Variants in TSPAN15 observed in about 807,000 individuals in gnomAD.
The protein encoded by TSPAN15 is tetraspanin-15.
TSPAN15 carries 20 observed loss-of-function variants against 34.5 expected under a neutral mutation model. That is an observed-to-expected ratio of 0.58 (90% CI 0.41 to 0.84). The LOEUF (loss-of-function observed/expected upper bound fraction) is 0.84, where lower values mean the gene tolerates loss of function less well. Ranked by LOEUF, TSPAN15 falls within the 40% of genes least tolerant of loss-of-function variation. The pLI, the probability that TSPAN15 is intolerant of heterozygous loss-of-function variation, is 0.00. For missense variants in TSPAN15, 313 were observed against 386.1 expected, an observed-to-expected ratio of 0.81 and a Z score of 1.59; for synonymous variants, 155 against 153.9, an observed-to-expected ratio of 1.01 and a Z score of -0.05.
chr10:69,535,527 G>A, the TSPAN15 span, among the ~76,000 whole-genome samples: 1 of 152,222 alleles, frequency 6.6e-6, no homozygotes, highest in Non-Finnish European at 1.5e-5. Flanking sequence ...AAGCATTTAT[G>A]CCACTTCTCT....
intron 1 of TSPAN15, among the ~76,000 whole-genome samples, chr10:69,478,969 G>A (rs1352979839): frequency 2.6e-5 from 4 of 152,178 alleles, no homozygotes; most frequent in Non-Finnish European, 5.9e-5. Context: ...ACATGGAAGG[G>A]ATATTTCAGT....
chr10:69,539,456 A>AG, the TSPAN15 span, among the ~76,000 whole-genome samples: 57 of 23,812 alleles, frequency 2.4e-3, 4 homozygotes, highest in African/African-American at 6.4e-3. Flanking sequence ...AAGAAGAAGA[A>AG]GAAGAAGGAG....
At chr10:69,464,528 G>A (rs1194338182) in intron 1 of TSPAN15, among the ~76,000 whole-genome samples, 1 of 152,212 alleles carries the variant, frequency 6.6e-6, no homozygotes, top group Non-Finnish European at 1.5e-5. Flanking sequence ...GGTTAAAACC[G>A]GGGAAGGTGG....
At chr10:69,523,200 C>T in the TSPAN15 span, 1 of 260,096 alleles carries the variant, frequency 3.8e-6, no homozygotes, top group Admixed American at 5.8e-5. Flanking sequence ...ATGGTCTGGG[C>T]ACCATTTTGT....
chr10:69,514,194 A>C, the TSPAN15 span, among the ~76,000 whole-genome samples: 1 of 152,224 alleles, frequency 6.6e-6, no homozygotes, highest in Non-Finnish European at 1.5e-5. Flanking sequence ...TCACATGCTG[A>C]ATTAACCTTG....
Position 69,485,113 on chromosome 10 carries a change from A to G in TSPAN15, c.283-28A>G, listed in dbSNP as rs1267571549. On this transcript the variant is annotated intron_variant, in intron 2 of 7. Coordinates refer to ENST00000373290, the MANE Select transcript of TSPAN15 (RefSeq NM_012339.5). ...CCACACACGCCCACTGCTCCTCTCC[A>G]GGTGAGTCTCTGAATTCTGTTTTCC... 6 of 1,609,288 alleles carry G rather than the reference A, an allele frequency of 3.7e-6. No homozygotes were observed. The Admixed American group carries it at 8.3e-5, about 22-fold the overall frequency.
the TSPAN15 span, among the ~76,000 whole-genome samples, chr10:69,543,845 GTGTGT>G: frequency 2.4e-4 from 1 of 4,094 alleles, no homozygotes; most frequent in Non-Finnish European, 6.0e-4. Context: ...AAGAAGGGGA[GTGTGT>G]GTGTGTGTGT....
chr10:69,522,248 C>T, the TSPAN15 span, among the ~76,000 whole-genome samples: 1 of 145,498 alleles, frequency 6.9e-6, no homozygotes, highest in Non-Finnish European at 1.5e-5. Context: ...GTCATCCCAG[C>T]TACTGGGGAG....
the TSPAN15 span, among the ~76,000 whole-genome samples, chr10:69,514,624 A>G: frequency 6.6e-6 from 1 of 152,244 alleles, no homozygotes; most frequent in African/African-American, 2.4e-5. Flanking sequence ...ACTTATTGAC[A>G]TAAAGTTGTT....
chr10:69,543,844 A>AGTATGTGTGTGTGTGTGTGTGT, the TSPAN15 span, among the ~76,000 whole-genome samples: 8 of 73,738 alleles, frequency 1.1e-4, 1 homozygote, highest in African/African-American at 4.6e-4. Context: ...GAAGAAGGGG[A>AGTATGTGTGTGTGTGTGTGTGT]GTGTGTGTGT....
At chr10:69,499,961 G>A (rs982029836) in intron 5 of TSPAN15, among the ~76,000 whole-genome samples, 30 of 152,160 alleles carry the variant, frequency 2.0e-4, no homozygotes, top group African/African-American at 7.0e-4. Context: ...TACCCCGAAG[G>A]CCACAGGCAG....
intron 5 of TSPAN15, among the ~76,000 whole-genome samples, chr10:69,499,623 A>G (rs566102602): frequency 6.6e-6 from 1 of 152,250 alleles, no homozygotes; most frequent in East Asian, 1.9e-4. Context: ...TGTAGCAAAC[A>G]AAGTCTCTGC....
At chr10:69,483,566 C>T in intron 1 of TSPAN15, 125 bp from the exon 2 acceptor site, 1 of 1,005,578 alleles carries the variant, frequency 9.9e-7, no homozygotes, top group Non-Finnish European at 1.4e-6. Flanking sequence ...GCTAACAGGG[C>T]CCTTTCTGTG....
intron 1 of TSPAN15, among the ~76,000 whole-genome samples, chr10:69,465,828 C>A (rs61848397): frequency 0.17 from 25,313 of 151,952 alleles, 2,618 homozygotes; most frequent in Non-Finnish European, 0.23. Context: ...ACTCATCAAA[C>A]ATGTTCTAGG....
At chr10:69,476,690 G>C (rs1372274042) in intron 1 of TSPAN15, among the ~76,000 whole-genome samples, 1 of 152,144 alleles carries the variant, frequency 6.6e-6, no homozygotes, top group African/African-American at 2.4e-5. Flanking sequence ...CCTGTCCAGA[G>C]TCAAGGCAGG....
intron 5 of TSPAN15, among the ~76,000 whole-genome samples, chr10:69,499,715 A>G (rs537646873): frequency 6.6e-6 from 1 of 152,312 alleles, no homozygotes; most frequent in African/African-American, 2.4e-5. Context: ...CTGAGTAGAA[A>G]AAGAAAGTAG....
chr10:69,490,269 C>T (rs1389410811), intron 3 of TSPAN15, among the ~76,000 whole-genome samples: 1 of 152,184 alleles, frequency 6.6e-6, no homozygotes, highest in Non-Finnish European at 1.5e-5. Flanking sequence ...TAAAGTTTTC[C>T]CTTGGTGTCC....
the TSPAN15 span, among the ~76,000 whole-genome samples, chr10:69,539,529 G>C: frequency 9.4e-6 from 1 of 106,634 alleles, no homozygotes; most frequent in African/African-American, 3.7e-5. Context: ...AGAAGAAGAA[G>C]AAGAAGAAGG....
chr10:69,514,549 T>G, the TSPAN15 span, among the ~76,000 whole-genome samples: 2 of 152,244 alleles, frequency 1.3e-5, no homozygotes, highest in Non-Finnish European at 2.9e-5. Context: ...GACTACTTAT[T>G]TCTTCTTGAG....
Sources: allele counts gnomAD v4.1 joint callset (sites outside exome capture counted in the v4.1 genomes callset), GRCh38; gene constraint gnomAD v4.1.1; transcripts MANE v1.5; gene names NCBI Gene and HGNC (gene_info 2026-07-23, HGNC 2026-07-21).